The following COL17A1 variants were observed in gnomAD, a reference collection of about 807,000 sequenced individuals.
COL17A1 encodes the protein collagen type XVII alpha 1 chain, also known as collagen alpha-1(XVII) chain.
Under a neutral mutation model 218.4 loss-of-function variants are expected in COL17A1, and 181 were observed. The ratio of observed to expected loss-of-function variants is 0.83; its 90% confidence interval spans 0.73 to 0.94. The LOEUF is 0.94. Ranked by LOEUF, COL17A1 falls within the 40% of genes least tolerant of loss-of-function variation. COL17A1 has a pLI of 0.00. For missense variants in COL17A1, 1,924 were observed against 1,945.9 expected (o/e 0.99, Z 0.21); for synonymous variants, 721 against 731.0 (o/e 0.99, Z 0.22).
intron 44 of COL17A1, 29 bp downstream of exon 44, chr10:104,039,042 G>A: frequency 6.2e-7 from 1 of 1,610,158 alleles, no homozygotes; most frequent in Middle Eastern, 1.7e-4. Context: ...AAGAAGTGGA[G>A]AGGAACTTTG....
At chr10:104,081,527 G>A (rs1311556690) in intron 1 of COL17A1, among the ~76,000 whole-genome samples, 1 of 152,190 alleles carries the variant, frequency 6.6e-6, no homozygotes, top group Non-Finnish European at 1.5e-5. Context: ...CACAGCAAGG[G>A]TCCCGTCCCA....
At chr10:104,074,643 G>A (rs1360593226) in intron 5 of COL17A1, among the ~76,000 whole-genome samples, 1 of 152,234 alleles carries the variant, frequency 6.6e-6, no homozygotes, top group African/African-American at 2.4e-5. Context: ...CGTGGACCCA[G>A]TTAAAATGAA....
At position 104,078,562 on chromosome 10, in the gene COL17A1, C is replaced by A. The variant is rs1234699637; in HGVS notation, c.77G>T (p.Arg26Ile). The A allele has an allele frequency of 6.2e-7, 1 of 1,614,100 alleles. No individual in the cohort carries two copies. Among genetic ancestry groups the A allele is most frequent in the East Asian group, 2.2e-5 (1 of 44,866 alleles). The change falls in exon 3 of 56, where the codon AGA (arginine) becomes ATA (isoleucine). Residue 26 changes from arginine (R) to isoleucine (I), a missense_variant. Physicochemically the swap from Arg to Ile is moderately conservative, Grantham distance 97. Transcript: ENST00000648076. Reference sequence around the variant, plus strand: ...CTTACTTGGTGGTAAGGATGTAAGTCTTGTGGTTACTGTTTCAGTGACAAC... The same window carrying A: ...CTTACTTGGTGGTAAGGATGTAAGTATTGTGGTTACTGTTTCAGTGACAAC... The part of the protein sequence containing the change: ...ERIVTETVTT[R>I]LTSLPPKGGT...
chr10:104,062,122 A>G (rs559580865), intron 12 of COL17A1, 136 bp downstream of exon 12: 20 of 1,307,576 alleles, frequency 1.5e-5, no homozygotes, highest in Admixed American at 5.6e-5. Flanking sequence ...ATCAAGATTG[A>G]TATCTTGAGT....
Position 104,035,526 on chromosome 10 carries a change from C to G in COL17A1, c.3456G>C (p.Gly1152=), listed in dbSNP as rs547446962. 6.8e-6 allele frequency: 11 copies of G among 1,613,482 alleles called. No individual in the cohort carries two copies. Among genetic ancestry groups the G allele is most frequent in the Admixed American group, 6.7e-5 (4 of 59,968 alleles). The change falls in exon 49 of 56, where the codon GGG becomes GGC. Residue 1152 remains glycine, a synonymous_variant. Coordinates refer to ENST00000648076, the MANE Select transcript of COL17A1 (RefSeq NM_000494.4). ...AGGAGGTTCCCGGCAAGCCAGGGGGCCCCGGGGGACCAGGAAGCCCAATGC... is the reference window on the plus strand; with the variant it reads ...AGGAGGTTCCCGGCAAGCCAGGGGGGCCCGGGGGACCAGGAAGCCCAATGC... ...GISIGLPGPP[G]PPGLPGTSYE... is the part of the protein sequence containing the mutation.
At position 104,042,307 on chromosome 10, in the gene COL17A1, T is replaced by C; in HGVS notation, c.2551+113A>G. Reference sequence around the variant, plus strand: ...TGAAGAGCCCTGGCCCTGTCCTCCTTTTCCAAAACACACCTTTCACGTCAT... The same window carrying C: ...TGAAGAGCCCTGGCCCTGTCCTCCTCTTCCAAAACACACCTTTCACGTCAT... On this transcript the variant is annotated intron_variant, in intron 36 of 55. Coordinates refer to ENST00000648076, the MANE Select transcript of COL17A1 (RefSeq NM_000494.4). 6 of 1,207,118 alleles carry C rather than the reference T, an allele frequency of 5.0e-6. No individual in the cohort carries two copies. In the South Asian group the frequency reaches 7.5e-5, roughly 15 times the overall value. 74.8% of individuals were successfully genotyped at this position (1,207,118 alleles called of 1,614,324 possible). A position where few individuals can be genotyped will look rare whatever the true frequency, so the allele number is the denominator to read the frequency against.
chr10:104,047,792 C>G lies in COL17A1; in HGVS notation c.2282G>C (p.Gly761Ala). The change falls in exon 31 of 56, where the codon GGG becomes GCG. Residue 761 changes from glycine to alanine, a missense_variant. By Grantham distance (60) the Gly-to-Ala change is moderately conservative (BLOSUM62 0). Coordinates refer to ENST00000648076, the MANE Select transcript of COL17A1 (RefSeq NM_000494.4). The part of the protein sequence containing the change: ...QGPRGEQGLT[G>A]MPGIRGPPGP... ...TGGTGGGCCACGGATTCCAGGCATC[C>G]CAGTAAGACCTTGTTCACCTAGAGA... 2 of 1,614,162 alleles carry G rather than the reference C, an allele frequency of 1.2e-6. No individual in the cohort carries two copies. The highest frequency in any genetic ancestry group is 1.7e-6 in the Non-Finnish European group (2 of 1,180,014).
At chr10:104,047,057 C>T (rs944378174) in intron 31 of COL17A1, among the ~76,000 whole-genome samples, 3 of 152,158 alleles carry the variant, frequency 2.0e-5, no homozygotes, top group African/African-American at 7.2e-5. Context: ...GCCACAAATC[C>T]GGAATGCTCA....
At chr10:104,083,191 C>T (rs1025634623) in intron 1 of COL17A1, among the ~76,000 whole-genome samples, 1 of 152,148 alleles carries the variant, frequency 6.6e-6, no homozygotes, top group Non-Finnish European at 1.5e-5. Context: ...ACAGTATATT[C>T]CCAGGACTTC....
In COL17A1 at chr10:104,048,160, C is replaced by T. The variant is rs771953622; in HGVS notation, c.2228-56G>A. The T allele has an allele frequency of 3.1e-5, 49 of 1,588,344 alleles. No homozygotes were observed. The East Asian group carries it at 1.1e-3, about 35-fold the overall frequency. On this transcript the variant is annotated intron_variant, in intron 29 of 55. Transcript: ENST00000648076. ...GCTCCTGGAGTGATTTCTGCGATTC[C>T]TCCCTCTACTGTCCCAGTGGCCTTG...
At chr10:104,071,694 G>A (rs1589575956) in intron 8 of COL17A1, among the ~76,000 whole-genome samples, 1 of 152,084 alleles carries the variant, frequency 6.6e-6, no homozygotes, top group African/African-American at 2.4e-5. Flanking sequence ...CCTACCCCGG[G>A]AAGTCTTCTC....
At position 104,064,526 on chromosome 10, in the gene COL17A1, G is replaced by T. The variant is rs754437607; in HGVS notation, c.678C>A (p.Pro226=). The T allele has an allele frequency of 4.3e-6, 7 of 1,614,100 alleles. No homozygotes were observed. Among genetic ancestry groups the T allele is most frequent in the East Asian group, 2.2e-5 (1 of 44,872 alleles). ...LPSHVWSSTL[P]AGSSMGTYHN... is the part of the protein sequence containing the mutation. The stretch of plus-strand genomic sequence containing the variant: ...GATAGGTCCCCATGGAGGACCCCGC[G>T]GGCAGGGTGGAGGACCACACATGGG... Residue 226 remains proline (P), a synonymous_variant, in exon 10 of 56, where the codon CCC becomes CCA. Transcript: ENST00000648076.
At position 104,032,912 on chromosome 10, in the gene COL17A1, G is replaced by A. The variant is rs1844707584; in HGVS notation, c.4351C>T (p.Pro1451Ser). ...GQKGEMGTPG[P>S]KGDRGPAGPP... ...GCTCTCTGCCACCACTTACCTTTGG[G>A]TCCTGGAGTGCCCATCTCTCCTTTT... is the stretch of plus-strand genomic sequence containing the variant. Residue 1451 changes from proline to serine, a missense_variant, in exon 54 of 56, where the codon CCC (proline) becomes TCC (serine). Transcript: ENST00000648076. 2 of 1,614,164 alleles carry A rather than the reference G, an allele frequency of 1.2e-6. No homozygotes were observed. The highest frequency in any genetic ancestry group is 1.7e-5 in the Admixed American group (1 of 60,028).
rs1328453714 is a variant in COL17A1, at chr10:104,050,856, C to T, written c.2084G>A (p.Gly695Asp). 3.7e-6 allele frequency: 6 copies of T among 1,614,020 alleles called. No homozygotes were observed. In the East Asian group the frequency reaches 1.3e-4, roughly 36 times the overall value. ...GCCTCCCTCCAGCTTACCTTTGACA[C>T]CAGGAAGTCCTACTTCACCTCGGAG... ...QGLRGEVGLP[G>D]VKGDKGPMGP... Residue 695 changes from glycine to aspartate, a missense_variant, in exon 26 of 56, where the codon GGT (glycine) becomes GAT (aspartate). By Grantham distance (94) the Gly-to-Asp change is moderately conservative. Transcript: ENST00000648076.
At chr10:104,073,455 G>T (rs751058862) in intron 6 of COL17A1, among the ~76,000 whole-genome samples, 16 of 152,132 alleles carry the variant, frequency 1.1e-4, no homozygotes, top group Admixed American at 6.6e-4. Flanking sequence ...CATTTATGAT[G>T]TTAAATTAGC....
intron 1 of COL17A1, among the ~76,000 whole-genome samples, chr10:104,081,644 C>A (rs1210935678): frequency 6.6e-6 from 1 of 152,134 alleles, no homozygotes; most frequent in East Asian, 1.9e-4. Flanking sequence ...TCTCTTCCTT[C>A]TAGTTTATTT....
At chr10:104,073,781 T>G (rs2086687069) in intron 6 of COL17A1, among the ~76,000 whole-genome samples, 1 of 152,124 alleles carries the variant, frequency 6.6e-6, no homozygotes, top group Non-Finnish European at 1.5e-5. Context: ...GCAGTTCCCT[T>G]GAAAGCAAGC....
intron 15 of COL17A1, chr10:104,059,251 G>C (rs944792111): frequency 1.7e-5 from 5 of 302,470 alleles, no homozygotes; most frequent in Admixed American, 4.7e-5. Context: ...GCATCGTCAA[G>C]AAATGTGGTT....
At chr10:104,050,401 C>T (rs2086457102) in intron 27 of COL17A1, among the ~76,000 whole-genome samples, 1 of 152,166 alleles carries the variant, frequency 6.6e-6, no homozygotes, top group South Asian at 2.1e-4. Context: ...AATTCTGTGT[C>T]TTCACCACCC....
Sources: allele counts gnomAD v4.1 joint callset (sites outside exome capture counted in the v4.1 genomes callset), GRCh38; gene constraint gnomAD v4.1.1; transcripts MANE v1.5; gene names NCBI Gene and HGNC (gene_info 2026-07-23, HGNC 2026-07-21).